SLC5A9: variants seen among roughly 807,000 people sequenced by gnomAD.
SLC5A9 encodes the protein solute carrier family 5 member 9.
Under a neutral mutation model 70.9 loss-of-function variants are expected in SLC5A9, and 59 were observed. The ratio of observed to expected loss-of-function variants is 0.83; its 90% CI spans 0.68 to 1.03. The LOEUF (loss-of-function observed/expected upper bound fraction) is 1.03, where lower values mean the gene tolerates loss of function less well. Among genes scored for constraint, SLC5A9 ranks in the 50% least tolerant of loss-of-function variants. The probability of loss-of-function intolerance (pLI) is 0.00; values close to 1 mark genes in which losing one functional copy is unlikely to be tolerated. For missense variants in SLC5A9, 832 were observed against 881.1 expected, an observed-to-expected ratio of 0.94 and a Z score of 0.71; for synonymous variants, 340 against 346.5, an observed-to-expected ratio of 0.98 and a Z score of 0.21.
chr1:48,226,779 T>G (rs557418658), intron 2 of SLC5A9, among the ~76,000 whole-genome samples: 82 of 152,160 alleles, frequency 5.4e-4, no homozygotes, highest in African/African-American at 1.9e-3. Context: ...AGAAGTGAGG[T>G]TAAAAACCCT....
chr1:48,235,437 A>T (rs569564020), intron 9 of SLC5A9, among the ~76,000 whole-genome samples: 1 of 152,298 alleles, frequency 6.6e-6, no homozygotes, highest in African/African-American at 2.4e-5. Flanking sequence ...CTAGTCTTAC[A>T]TAACTTAATA....
rs1347618427 is a variant in SLC5A9, at chr1:48,239,876, G to A, written c.1677+339G>A. Among the ~76,000 whole-genome samples, 2 of 152,224 alleles carry A rather than the reference G, an allele frequency of 1.3e-5. No individual in the cohort carries two copies. Among genetic ancestry groups the A allele is most frequent in the African/African-American group, 4.8e-5 (2 of 41,440 alleles). On this transcript the variant is annotated intron_variant, in intron 12 of 13. Transcript: ENST00000438567. The surrounding 1 kb of genome is among the most constrained non-coding windows in gnomAD (Gnocchi z 4.2). ...TGCAGAAGGACCAAGCTCAACCAGA[G>A]GGGCCAAGAACAGAGGGAGAGGCAG...
At chr1:48,223,634 G>T (rs147289899) in intron 1 of SLC5A9, among the ~76,000 whole-genome samples, 2 of 152,200 alleles carry the variant, frequency 1.3e-5, no homozygotes, top group Non-Finnish European at 2.9e-5. Context: ...TTCCACAGAA[G>T]TGTGAGCACC....
At position 48,247,656 on chromosome 1, in the gene SLC5A9, G is replaced by C. The variant is rs1243595184; in HGVS notation, c.*113G>C. 1.9e-6 allele frequency: 2 copies of C among 1,027,842 alleles called. No individual in the cohort carries two copies. The highest frequency in any genetic ancestry group is 2.2e-4 in the Middle Eastern group (1 of 4,470). The allele number at this position is 1,027,842 out of a possible 1,614,324, so 63.7% of individuals were successfully genotyped here. On this transcript the variant is annotated 3_prime_UTR_variant, in exon 14 of 14. Coordinates refer to ENST00000438567, the MANE Select transcript of SLC5A9 (RefSeq NM_001011547.3). ...CTAAACTGGAGATCACAGAAGTCAA[G>C]ACTGCAAGCTCCCCTGAAGAGAATC...
intron 13 of SLC5A9, among the ~76,000 whole-genome samples, chr1:48,243,184 ATTAT>A (rs777309102): frequency 6.6e-5 from 10 of 151,956 alleles, no homozygotes; most frequent in Non-Finnish European, 1.5e-4. Context: ...ACTTTTCTTT[ATTAT>A]TTATTTATCT....
At chr1:48,237,982 C>A in intron 11 of SLC5A9, 135 bp downstream of exon 11, 1 of 877,476 alleles carries the variant, frequency 1.1e-6, no homozygotes, top group Non-Finnish European at 1.7e-6. Context: ...AGCATCCAGC[C>A]TAGATTCATT....
chr1:48,228,991 G>A, intron 3 of SLC5A9, 37 bp downstream of exon 3: 2 of 1,613,156 alleles, frequency 1.2e-6, no homozygotes, highest in Non-Finnish European at 8.5e-7. Context: ...GAATACTGAG[G>A]GTCTAACCCA....
Position 48,239,463 on chromosome 1 carries a change from A to G in SLC5A9, c.1603A>G (p.Ile535Val), listed in dbSNP as rs772678215. 1.9e-6 allele frequency: 3 copies of G among 1,614,104 alleles called. No individual in the cohort carries two copies. Among genetic ancestry groups the G allele is most frequent in the Middle Eastern group, 1.6e-4 (1 of 6,062 alleles). ...LKDFHYLYFAILLCGLTAIVI... is the reference protein window; with the variant it reads ...LKDFHYLYFAVLLCGLTAIVI... ...GGACTTCCACTACCTGTACTTTGCA[A>G]TCCTCCTCTGCGGGCTCACTGCCAT... The change falls in exon 12 of 14, where the codon ATC becomes GTC. Residue 535 changes from isoleucine (I) to valine (V), a missense_variant. Transcript: ENST00000438567. The surrounding 1 kb of genome is among the most constrained non-coding windows in gnomAD (Gnocchi z 4.2).
chr1:48,232,985 G>A (rs1268742628), intron 8 of SLC5A9, among the ~76,000 whole-genome samples: 1 of 123,688 alleles, frequency 8.1e-6, no homozygotes, highest in African/African-American at 3.0e-5. Context: ...GAAAAGGAAG[G>A]AAGGAAGGGG....
chr1:48,247,651 G>A lies in SLC5A9; in HGVS notation c.*108G>A. The A allele has an allele frequency of 9.1e-7, 1 of 1,102,192 alleles. No individual in the cohort carries two copies. Among genetic ancestry groups the A allele is most frequent in the Non-Finnish European group, 1.4e-6 (1 of 732,532 alleles). 68.3% of individuals were successfully genotyped at this position (1,102,192 alleles called of 1,614,324 possible). A position where few individuals can be genotyped will look rare whatever the true frequency, so the allele number is the denominator to read the frequency against. On this transcript the variant is annotated 3_prime_UTR_variant, in exon 14 of 14. Transcript: ENST00000438567. ...GCTGTCTAAACTGGAGATCACAGAA[G>A]TCAAGACTGCAAGCTCCCCTGAAGA...
intron 8 of SLC5A9, 94 bp downstream of exon 8, chr1:48,232,596 G>C (rs549130810): frequency 6.6e-7 from 1 of 1,525,828 alleles, no homozygotes; most frequent in Non-Finnish European, 8.9e-7. Flanking sequence ...TGTTAGGCCA[G>C]AGCAGGGGTT....
chr1:48,224,905 T>C, intron 2 of SLC5A9, 110 bp downstream of exon 2: 1 of 1,087,228 alleles, frequency 9.2e-7, no homozygotes, highest in Non-Finnish European at 1.4e-6. Context: ...GGCAAAGACC[T>C]CCCCGTTGTG....
At chr1:48,242,647 C>A (rs749386049) in intron 13 of SLC5A9, 31 bp downstream of exon 13, 60 of 1,578,050 alleles carry the variant, frequency 3.8e-5, no homozygotes, top group Non-Finnish European at 5.2e-5. Flanking sequence ...GGATACTCAT[C>A]ACAGAGGAAC....
chr1:48,245,730 G>T lies in SLC5A9; in HGVS notation c.1838-1605G>T, dbSNP rs182736382. On this transcript the variant is annotated intron_variant, in intron 13 of 13. Transcript: ENST00000438567. ...TCATCCCAGCACTTTGGGAGGCCAA[G>T]ACAGGGGGATTGCTTGAACTCAGGA... Among the ~76,000 whole-genome samples, 9 of 152,334 alleles carry T rather than the reference G, an allele frequency of 5.9e-5. No individual in the cohort carries two copies. The East Asian group carries it at 1.7e-3, about 29-fold the overall frequency.
Position 48,242,623 on chromosome 1 carries a change from T to C in SLC5A9, c.1837+7T>C, listed in dbSNP as rs374121159. On this transcript the variant is annotated splice_region_variant and intron_variant, in intron 13 of 13. Coordinates refer to ENST00000438567, the MANE Select transcript of SLC5A9 (RefSeq NM_001011547.3). ...GGCCAGGAGCAGCCTGAAGGTAGGCTGCGGCAGGCCGGGGGATACTCATCA... is the reference window on the plus strand; with the variant it reads ...GGCCAGGAGCAGCCTGAAGGTAGGCCGCGGCAGGCCGGGGGATACTCATCA... The C allele has an allele frequency of 4.3e-5, 69 of 1,605,184 alleles. No homozygotes were observed. The highest frequency in any genetic ancestry group is 5.8e-5 in the Non-Finnish European group (68 of 1,175,694).
At chr1:48,238,399 G>C (rs1021800875) in intron 11 of SLC5A9, 1 of 152,436 alleles carries the variant, frequency 6.6e-6, no homozygotes, top group African/African-American at 2.4e-5. Context: ...GACCTTACAA[G>C]GGCTCCTGCA....
chr1:48,237,289 A>T (rs1644339485), intron 10 of SLC5A9, among the ~76,000 whole-genome samples: 1 of 140,934 alleles, frequency 7.1e-6, no homozygotes, highest in African/African-American at 2.7e-5. Flanking sequence ...CCTGGGAAAG[A>T]GCTGCCCTAC....
At chr1:48,222,978 A>T (rs937504293) in intron 1 of SLC5A9, 80 bp downstream of exon 1, 2 of 1,452,904 alleles carry the variant, frequency 1.4e-6, no homozygotes, top group Middle Eastern at 1.8e-4. Context: ...GAGCTGGGGC[A>T]GGGCTAGGCA....
Position 48,231,706 on chromosome 1 carries a change from T to C in SLC5A9, c.691+81T>C, listed in dbSNP as rs1644250235. On this transcript the variant is annotated intron_variant, in intron 6 of 13. Transcript: ENST00000438567. ...GTCTCTGCCACCTCCACAGTTCGAT[T>C]GAAACTTTCCAGTGCATAGAGCCAT... 1.9e-6 allele frequency: 3 copies of C among 1,566,748 alleles called. No homozygotes were observed. In the East Asian group the frequency reaches 7.0e-5, roughly 37 times the overall value.
Sources: allele counts gnomAD v4.1 joint callset (sites outside exome capture counted in the v4.1 genomes callset), GRCh38; gene constraint gnomAD v4.1.1; non-coding constraint Gnocchi (gnomAD v3.1); transcripts MANE v1.5; gene names NCBI Gene and HGNC (gene_info 2026-07-23, HGNC 2026-07-21).